The following GTPBP4 variants were observed in gnomAD, a reference collection of about 807,000 sequenced individuals.
GTPBP4 encodes the protein GTP-binding protein 4.
In GTPBP4, 15 loss-of-function variants were observed where a neutral mutation model predicts 81.7. The ratio of observed to expected loss-of-function variants is 0.18; its 90% CI spans 0.12 to 0.28. The LOEUF (loss-of-function observed/expected upper bound fraction) is 0.28, where lower values mean the gene tolerates loss of function less well. Ranked by LOEUF, GTPBP4 falls within the 10% of genes least tolerant of loss-of-function variation. The pLI, the probability that GTPBP4 is intolerant of heterozygous loss-of-function variation, is 1.00. For synonymous variants in GTPBP4, 272 were observed against 274.6 expected (o/e 0.99, Z 0.09); for missense variants, 847 against 793.8 (o/e 1.07, Z -0.81).
At chr10:997,330 A>C in intron 5 of GTPBP4, 22 bp downstream of exon 5, 1 of 1,257,440 alleles carries the variant, frequency 8.0e-7, no homozygotes, top group Non-Finnish European at 1.2e-6. Context: ...TTTTATCGTA[A>C]AGCAAATCAT....
intron 15 of GTPBP4, among the ~76,000 whole-genome samples, chr10:1,015,173 G>A (rs564246094): frequency 5.6e-4 from 86 of 152,326 alleles, no homozygotes; most frequent in Non-Finnish European, 8.7e-4. Flanking sequence ...AGCAGCTTCC[G>A]TTAAGTGAAT....
intron 10 of GTPBP4, chr10:1,007,905 A>G (rs371390127): frequency 1.9e-6 from 1 of 517,268 alleles, no homozygotes; most frequent in African/African-American, 1.9e-5. Context: ...TAGGCTGTTT[A>G]TCTTTTTCTC....
At chr10:1,002,583 T>G (rs761799967) in intron 8 of GTPBP4, among the ~76,000 whole-genome samples, 8 of 152,230 alleles carry the variant, frequency 5.3e-5, no homozygotes, top group Non-Finnish European at 1.2e-4. Flanking sequence ...AAGTATATCT[T>G]GTAAGGCTGG....
intron 6 of GTPBP4, 81 bp downstream of exon 6, chr10:999,176 TG>T: frequency 1.3e-6 from 1 of 788,218 alleles, no homozygotes; most frequent in Non-Finnish European, 2.2e-6. Context: ...TGGAGTGCAG[TG>T]GCATGATCTC....
intron 1 of GTPBP4, 177 bp downstream of exon 1, chr10:988,704 C>T (rs1831387188): frequency 6.6e-6 from 4 of 609,396 alleles, no homozygotes; most frequent in South Asian, 1.9e-5. Context: ...CAGCAGAATC[C>T]GGGGTCCACC....
intron 1 of GTPBP4, among the ~76,000 whole-genome samples, chr10:990,587 G>A (rs972595959): frequency 5.3e-5 from 8 of 151,552 alleles, no homozygotes; most frequent in African/African-American, 1.9e-4. Context: ...GCCAGGCGTG[G>A]TGGCGGGCGC....
At chr10:1,006,055 G>T (rs1831724206) in intron 9 of GTPBP4, 148 bp downstream of exon 9, 1 of 568,224 alleles carries the variant, frequency 1.8e-6, no homozygotes, top group Non-Finnish European at 3.1e-6. Flanking sequence ...CGAGAGTGGG[G>T]CGTGAAGACA....
In GTPBP4 at chr10:992,620, T is replaced by G. The variant is rs780283354; in HGVS notation, c.180T>G (p.Asp60Glu). Residue 60 changes from aspartate to glutamate, a missense_variant, in exon 2 of 17, where the codon GAT (aspartate) becomes GAG (glutamate). Physicochemically the swap from Asp to Glu is conservative, Grantham distance 45 (BLOSUM62 2). Around this residue, in one of 3 missense-constraint regions of GTPBP4, gnomAD observed 241 missense variants for 216.3 expected, o/e 1.11. Coordinates refer to ENST00000360803, the MANE Select transcript of GTPBP4 (RefSeq NM_012341.3). ...AATTTACTCAACAGAATTACCATGA[T>G]AGACTTTCACAAATTCTAACAGATT... ...KVKFTQQNYHDRLSQILTDFP... is the reference protein window; with the variant it reads ...KVKFTQQNYHERLSQILTDFP... 3.1e-6 allele frequency: 5 copies of G among 1,607,438 alleles called. No individual in the cohort carries two copies. The highest frequency in any genetic ancestry group is 1.1e-5 in the South Asian group (1 of 90,114).
chr10:992,343 T>C, intron 1 of GTPBP4, 146 bp from the exon 2 acceptor site: 1 of 524,354 alleles, frequency 1.9e-6, no homozygotes, highest in Non-Finnish European at 3.4e-6. Flanking sequence ...GAGCTTGCAG[T>C]GAGCCGAGAT....
intron 6 of GTPBP4, among the ~76,000 whole-genome samples, chr10:999,906 C>T (rs887099517): frequency 1.1e-4 from 17 of 152,168 alleles, no homozygotes; most frequent in Non-Finnish European, 2.2e-4. Flanking sequence ...TTGCAGTGAG[C>T]CGAGATTGTG....
chr10:1,008,867 C>A (rs1289880697), intron 10 of GTPBP4, 91 bp from the exon 11 acceptor site: 2 of 926,766 alleles, frequency 2.2e-6, no homozygotes, highest in South Asian at 2.6e-5. Flanking sequence ...GTTCCCCTTG[C>A]ACGTAGGGAA....
chr10:1,008,983 G>A lies in GTPBP4; in HGVS notation c.1139G>A (p.Gly380Glu), dbSNP rs376461617. ...GAGAGGCCCCCTTTCATCCCTGAAG[G>A]AGTGGTGGCTCGCAGGAAGAGGATG... Reference protein sequence around the residue: ...DKERPPFIPEGVVARRKRMET... With the variant: ...DKERPPFIPEEVVARRKRMET... The change falls in exon 11 of 17, where the codon GGA (glycine) becomes GAA (glutamate). Residue 380 changes from glycine to glutamate, a missense_variant. By Grantham distance (98) the Gly-to-Glu change is moderately conservative. Coordinates refer to ENST00000360803, the MANE Select transcript of GTPBP4 (RefSeq NM_012341.3). The A allele has an allele frequency of 6.8e-6, 11 of 1,612,556 alleles. No homozygotes were observed. In the African/African-American group the frequency reaches 1.3e-4, roughly 20 times the overall value.
At chr10:1,015,389 TG>T in intron 15 of GTPBP4, among the ~76,000 whole-genome samples, 1 of 133,586 alleles carries the variant, frequency 7.5e-6, no homozygotes, top group Non-Finnish European at 1.6e-5. Flanking sequence ...GCTCTGAGCC[TG>T]GGAGTGGACC....
In GTPBP4 at chr10:1,000,965, C is replaced by T. The variant is rs140160349; in HGVS notation, c.864C>T (p.Ala288=). The T allele has an allele frequency of 1.9e-4, 309 of 1,611,584 alleles. No homozygotes were observed. The highest frequency in any genetic ancestry group is 2.4e-4 in the Non-Finnish European group (283 of 1,177,898). Residue 288 remains alanine, a synonymous_variant, in exon 8 of 17, where the codon GCC becomes GCT. Coordinates refer to ENST00000360803, the MANE Select transcript of GTPBP4 (RefSeq NM_012341.3). ...LFINKPLIVV[A]NKCDVKRIAE... Reference sequence around the variant, plus strand: ...TTGCCTAGCCTCTCATAGTTGTAGCCAACAAATGTGATGTGAAGAGAATAG... The same window carrying T: ...TTGCCTAGCCTCTCATAGTTGTAGCTAACAAATGTGATGTGAAGAGAATAG...
At chr10:995,258 A>G (rs1376758659) in intron 2 of GTPBP4, among the ~76,000 whole-genome samples, 1 of 152,200 alleles carries the variant, frequency 6.6e-6, no homozygotes, top group Non-Finnish European at 1.5e-5. Flanking sequence ...AGCTGTGAGC[A>G]CTAGCCAGCA....
At chr10:997,175 A>G (rs1296741050) in intron 4 of GTPBP4, 33 bp from the exon 5 acceptor site, 1 of 1,232,898 alleles carries the variant, frequency 8.1e-7, no homozygotes, top group South Asian at 1.2e-5. Context: ...TAAACTTTGA[A>G]TTTCTTAATT....
Position 1,000,991 on chromosome 10 carries a change from C to T in GTPBP4, c.890C>T (p.Ala297Val). The change falls in exon 8 of 17, where the codon GCT (alanine) becomes GTT (valine). Residue 297 changes from alanine (A) to valine (V), a missense_variant. Around this residue, in one of 3 missense-constraint regions of GTPBP4, gnomAD observed 600 missense variants for 557.1 expected, o/e 1.08. Coordinates refer to ENST00000360803, the MANE Select transcript of GTPBP4 (RefSeq NM_012341.3). ...AACAAATGTGATGTGAAGAGAATAGCTGAACTTTCTGAAGATGATCAGGTA... is the reference window on the plus strand; with the variant it reads ...AACAAATGTGATGTGAAGAGAATAGTTGAACTTTCTGAAGATGATCAGGTA... ...VANKCDVKRIAELSEDDQKIF... is the reference protein window; with the variant it reads ...VANKCDVKRIVELSEDDQKIF... 1 of 1,606,156 alleles carries T rather than the reference C, an allele frequency of 6.2e-7. No homozygotes were observed. The highest frequency in any genetic ancestry group is 8.5e-7 in the Non-Finnish European group (1 of 1,172,766).
intron 2 of GTPBP4, among the ~76,000 whole-genome samples, chr10:995,263 C>G (rs531420350): frequency 6.6e-6 from 1 of 152,120 alleles, no homozygotes; most frequent in Admixed American, 6.6e-5. Flanking sequence ...TGAGCACTAG[C>G]CAGCACAGGA....
rs758388342 is a variant in GTPBP4, at chr10:1,007,145, GA to G, written c.1113+18del. 1 of 1,370,546 alleles carries G rather than the reference GA, an allele frequency of 7.3e-7. No individual in the cohort carries two copies. The highest frequency in any genetic ancestry group is 1.0e-6 in the Non-Finnish European group (1 of 957,980). The allele number at this position is 1,370,546 out of a possible 1,614,324, so 84.9% of individuals were successfully genotyped here. On this transcript the variant is annotated intron_variant, in intron 10 of 16. Coordinates refer to ENST00000360803, the MANE Select transcript of GTPBP4 (RefSeq NM_012341.3). ...GACGATAAGGTAAGACGGCCCCTGGGACAGCCGTGGGCTCACAGTACTGTCA... is the reference window on the plus strand; with the variant it reads ...GACGATAAGGTAAGACGGCCCCTGGGCAGCCGTGGGCTCACAGTACTGTCA...
Sources: allele counts gnomAD v4.1 joint callset (sites outside exome capture counted in the v4.1 genomes callset), GRCh38; gene constraint gnomAD v4.1.1; regional missense constraint gnomAD v4.1.1; transcripts MANE v1.5; gene names NCBI Gene and HGNC (gene_info 2026-07-23, HGNC 2026-07-21).